Variants in CNTNAP2 observed in about 807,000 individuals in gnomAD.
CNTNAP2 encodes contactin-associated protein-like 2.
A neutral mutation model predicts 155.2 loss-of-function variants in CNTNAP2; 98 were observed. That is an observed-to-expected ratio of 0.63 (90% CI 0.54 to 0.75). The LOEUF (loss-of-function observed/expected upper bound fraction) is 0.75. Ranked by LOEUF, CNTNAP2 falls within the 30% of genes least tolerant of loss-of-function variation. CNTNAP2 has a pLI of 0.00. For missense variants in CNTNAP2, 1,727 were observed against 1,688.1 expected, an observed-to-expected ratio of 1.02 and a Z score of -0.40; for synonymous variants, 651 against 631.2, an observed-to-expected ratio of 1.03 and a Z score of -0.47.
intron 3 of CNTNAP2, among the ~76,000 whole-genome samples, chr7:146,906,556 C>T (rs1254921368): frequency 1.3e-5 from 2 of 152,030 alleles, no homozygotes; most frequent in Admixed American, 6.5e-5. Flanking sequence ...ACACCTCACA[C>T]AGCAGGGTAT....
At chr7:148,041,846 G>A (rs1056739356) in intron 15 of CNTNAP2, among the ~76,000 whole-genome samples, 7 of 152,152 alleles carry the variant, frequency 4.6e-5, no homozygotes, top group Admixed American at 4.6e-4. Context: ...GGTAGAATGA[G>A]ATAGAACCTC....
At chr7:146,475,357 T>C (rs1362628532) in intron 1 of CNTNAP2, among the ~76,000 whole-genome samples, 1 of 152,052 alleles carries the variant, frequency 6.6e-6, no homozygotes, top group Non-Finnish European at 1.5e-5. Context: ...AGTTCAAACA[T>C]AGAAAAAGGA....
At position 146,605,540 on chromosome 7, in the gene CNTNAP2, G is replaced by T. The variant is rs974675890; in HGVS notation, c.98-168731G>T. Among the ~76,000 whole-genome samples the T allele has an allele frequency of 1.2e-4, 17 of 143,880 alleles. 2 individuals carry two copies. The highest frequency in any genetic ancestry group is 4.2e-4 in the African/African-American group (17 of 40,022). 94.4% of individuals were successfully genotyped at this position (143,880 alleles called of 152,430 possible). Reference sequence around the variant, plus strand: ...CAAGTTATGTCACTAATGAACTACAGATATTCAATGTAAATTCAGGAAGAA... The same window carrying T: ...CAAGTTATGTCACTAATGAACTACATATATTCAATGTAAATTCAGGAAGAA... On this transcript the variant is annotated intron_variant, in intron 1 of 23. Coordinates refer to ENST00000361727, the MANE Select transcript of CNTNAP2 (RefSeq NM_014141.6).
chr7:146,289,638 T>C (rs901017547), intron 1 of CNTNAP2, among the ~76,000 whole-genome samples: 2 of 152,204 alleles, frequency 1.3e-5, no homozygotes, highest in African/African-American at 4.8e-5. Flanking sequence ...ATATGAGCGA[T>C]TTGGGCCTTC....
intron 3 of CNTNAP2, among the ~76,000 whole-genome samples, chr7:146,910,443 G>T (rs932747975): frequency 6.7e-6 from 1 of 148,940 alleles, no homozygotes; most frequent in South Asian, 2.1e-4. Context: ...CATGGTACTG[G>T]TACCAAAACA....
chr7:147,863,725 C>G (rs1799174539), intron 13 of CNTNAP2, among the ~76,000 whole-genome samples: 1 of 151,452 alleles, frequency 6.6e-6, no homozygotes, highest in African/African-American at 2.4e-5. Context: ...GCAGAAATAT[C>G]TTGTTTTGAG....
chr7:148,300,523 A>ATT, intron 21 of CNTNAP2, among the ~76,000 whole-genome samples: 1 of 142,248 alleles, frequency 7.0e-6, no homozygotes, highest in African/African-American at 2.6e-5. Flanking sequence ...AATCATAACA[A>ATT]TTTTTTTTTT....
At chr7:146,653,259 A>G (rs1185024700) in intron 1 of CNTNAP2, among the ~76,000 whole-genome samples, 1 of 152,104 alleles carries the variant, frequency 6.6e-6, no homozygotes, top group Admixed American at 6.6e-5. Flanking sequence ...TAATGATTCC[A>G]CAGAGCTATC....
At chr7:147,182,888 T>G (rs927165731) in intron 8 of CNTNAP2, among the ~76,000 whole-genome samples, 9 of 152,150 alleles carry the variant, frequency 5.9e-5, no homozygotes, top group Admixed American at 5.9e-4. Context: ...TCATACTTAT[T>G]AGAAATACTT....
intron 1 of CNTNAP2, among the ~76,000 whole-genome samples, chr7:146,759,149 C>T (rs183498288): frequency 2.0e-5 from 3 of 152,170 alleles, no homozygotes; most frequent in African/African-American, 4.8e-5. Flanking sequence ...ATTATCAATA[C>T]TATATGTCAA....
At chr7:147,309,587 C>T (rs1584862584) in intron 9 of CNTNAP2, among the ~76,000 whole-genome samples, 1 of 151,874 alleles carries the variant, frequency 6.6e-6, no homozygotes. Flanking sequence ...TTTGTCCTCC[C>T]CTAATTGTAG....
intron 4 of CNTNAP2, among the ~76,000 whole-genome samples, chr7:147,090,352 T>TGTGTGTGTG (rs370171724): frequency 1.4e-5 from 2 of 144,492 alleles, no homozygotes; most frequent in African/African-American, 5.1e-5. Context: ...TGTGTGTGTG[T>TGTGTGTGTG]TACAATTCTC....
chr7:148,159,201 C>G (rs1269689839), intron 17 of CNTNAP2, among the ~76,000 whole-genome samples: 1 of 152,152 alleles, frequency 6.6e-6, no homozygotes, highest in Non-Finnish European at 1.5e-5. Context: ...TTGTCACATC[C>G]TGACAATGTT....
At chr7:147,033,182 A>ATG (rs1314053479) in intron 3 of CNTNAP2, among the ~76,000 whole-genome samples, 6 of 131,252 alleles carry the variant, frequency 4.6e-5, no homozygotes, top group African/African-American at 1.4e-4. Context: ...ATATATATAT[A>ATG]TATATATATA....
chr7:146,311,693 A>C (rs972874317), intron 1 of CNTNAP2: 3 of 149,890 alleles, frequency 2.0e-5, no homozygotes, highest in Non-Finnish European at 3.0e-5. Flanking sequence ...AAAGAAGAAA[A>C]GAAAGAAATA....
intron 1 of CNTNAP2, among the ~76,000 whole-genome samples, chr7:146,422,844 A>G (rs986406751): frequency 1.3e-5 from 2 of 152,124 alleles, no homozygotes; most frequent in African/African-American, 4.8e-5. Flanking sequence ...AAGCTAGTTT[A>G]CTTATACTTT....
At chr7:148,031,688 AG>A (rs1802478963) in intron 15 of CNTNAP2, among the ~76,000 whole-genome samples, 1 of 152,174 alleles carries the variant, frequency 6.6e-6, no homozygotes, top group Non-Finnish European at 1.5e-5. Flanking sequence ...CCAGGGGAAT[AG>A]CCTTCCTGGG....
At chr7:147,133,733 G>C (rs777921273) in intron 8 of CNTNAP2, among the ~76,000 whole-genome samples, 1 of 152,014 alleles carries the variant, frequency 6.6e-6, no homozygotes, top group Admixed American at 6.6e-5. Flanking sequence ...TGTGTGGCCT[G>C]AATGTATGGT....
At chr7:148,393,388 C>T (rs1047043482) in intron 22 of CNTNAP2, among the ~76,000 whole-genome samples, 25 of 152,178 alleles carry the variant, frequency 1.6e-4, no homozygotes, top group Non-Finnish European at 7.3e-5. Flanking sequence ...AACTATCATC[C>T]CTTGCTTGCT....
Sources: gnomAD v4.1 joint callset for allele counts (sites outside exome capture counted in the v4.1 genomes callset) on GRCh38, gnomAD v4.1.1 for gene constraint, MANE v1.5 for transcripts, NCBI Gene and HGNC (gene_info 2026-07-23, HGNC 2026-07-21) for gene names.